HCFC2: variants seen among roughly 807,000 people sequenced by gnomAD.
HCFC2 encodes the protein host cell factor C2, also known as host cell factor 2.
HCFC2 carries 18 observed loss-of-function variants against 89.2 expected under a neutral mutation model. The observed-to-expected ratio is 0.20, with a 90% CI of 0.14 to 0.30. HCFC2 has a LOEUF of 0.30. Ranked by LOEUF, HCFC2 falls within the 10% of genes least tolerant of loss-of-function variation. The pLI is 1.00. For synonymous variants in HCFC2, 308 were observed against 335.7 expected (o/e 0.92, Z 0.90); for missense variants, 578 against 956.1 (o/e 0.60, Z 5.21).
At position 104,076,702 on chromosome 12, in the gene HCFC2, C is replaced by G. The variant is rs184788734; in HGVS notation, c.474-2743C>G. 1.1e-4 allele frequency among the ~76,000 whole-genome samples: 17 copies of G among 150,854 alleles called. 1 individual carries two copies. Among genetic ancestry groups the G allele is most frequent in the African/African-American group, 4.1e-4 (17 of 41,410 alleles). On this transcript the variant is annotated intron_variant, in intron 3 of 14. Transcript: ENST00000229330. The stretch of plus-strand genomic sequence containing the variant: ...TTTGTATTTTGTTTCCTCTGCATTC[C>G]TGCCCCCACCACCAACCCTGACCAG...
intron 5 of HCFC2, among the ~76,000 whole-genome samples, chr12:104,081,134 T>C (rs1478332571): frequency 6.6e-6 from 1 of 152,200 alleles, no homozygotes. Flanking sequence ...TTTTTCATAT[T>C]TTTGGTAGTG....
intron 3 of HCFC2, among the ~76,000 whole-genome samples, chr12:104,069,194 C>T (rs1883243401): frequency 6.6e-6 from 1 of 152,098 alleles, no homozygotes; most frequent in Non-Finnish European, 1.5e-5. Context: ...GTGGTCACAG[C>T]TACTCAGAGG....
intron 12 of HCFC2, among the ~76,000 whole-genome samples, chr12:104,096,854 C>T (rs545058479): frequency 1.4e-4 from 21 of 152,074 alleles, no homozygotes; most frequent in African/African-American, 5.1e-4. Context: ...GTGTAAATTA[C>T]ATTAATGGTT....
In HCFC2 at chr12:104,095,019, G is replaced by A. The variant is rs1168513325; in HGVS notation, c.1463-341G>A. 6.6e-6 allele frequency among the ~76,000 whole-genome samples: 1 copy of A among 152,060 alleles called. No individual in the cohort carries two copies. Among genetic ancestry groups the A allele is most frequent in the Admixed American group, 6.6e-5 (1 of 15,260 alleles). On this transcript the variant is annotated intron_variant, in intron 10 of 14. Coordinates refer to ENST00000229330, the MANE Select transcript of HCFC2 (RefSeq NM_013320.3). The surrounding 1 kb of genome is among the most constrained non-coding windows in gnomAD (Gnocchi z 4.2). ...ACAATTCTAGTTTGCAGCCAGAGAAGGCAGAAAATTGAGATAATTCATGCT... is the reference window on the plus strand; with the variant it reads ...ACAATTCTAGTTTGCAGCCAGAGAAAGCAGAAAATTGAGATAATTCATGCT...
intron 13 of HCFC2, among the ~76,000 whole-genome samples, chr12:104,101,258 TG>T (rs1179969149): frequency 6.6e-6 from 1 of 152,134 alleles, no homozygotes; most frequent in East Asian, 1.9e-4. Flanking sequence ...CCGACGCAGG[TG>T]GATCACATTT....
At chr12:104,077,517 T>G (rs1158152715) in intron 3 of HCFC2, among the ~76,000 whole-genome samples, 1 of 151,618 alleles carries the variant, frequency 6.6e-6, no homozygotes. Context: ...CTGCTGAGAT[T>G]GGGCATGAGC....
At position 104,082,568 on chromosome 12, in the gene HCFC2, A is replaced by T; in HGVS notation, c.836A>T (p.Glu279Val). The part of the protein sequence containing the change: ...ENTETSPHDC[E>V]WRCTSSFSYL... ...ACTGAGACTTCACCTCATGATTGTG[A>T]ATGGAGATGTACCAGTTCATTTTCT... is the stretch of plus-strand genomic sequence containing the variant. Residue 279 changes from glutamate (E) to valine (V), a missense_variant, in exon 6 of 15, where the codon GAA becomes GTA. By Grantham distance (121) the Glu-to-Val change is moderately radical. Coordinates refer to ENST00000229330, the MANE Select transcript of HCFC2 (RefSeq NM_013320.3). The T allele has an allele frequency of 6.2e-7, 1 of 1,613,778 alleles. No individual in the cohort carries two copies. The highest frequency in any genetic ancestry group is 8.5e-7 in the Non-Finnish European group (1 of 1,179,712).
intron 9 of HCFC2, among the ~76,000 whole-genome samples, chr12:104,092,181 G>A (rs927840491): frequency 6.6e-6 from 1 of 152,214 alleles, no homozygotes; most frequent in Admixed American, 6.5e-5. Flanking sequence ...GATTTTAAAT[G>A]TGGCGGCTGG....
At chr12:104,079,385 A>G in intron 3 of HCFC2, 60 bp from the exon 4 acceptor site, 1 of 1,267,494 alleles carries the variant, frequency 7.9e-7, no homozygotes, top group Non-Finnish European at 1.1e-6. Flanking sequence ...AAATAGAAAT[A>G]AAATGCAAAT....
intron 3 of HCFC2, among the ~76,000 whole-genome samples, chr12:104,077,671 T>C: frequency 1.3e-5 from 2 of 151,986 alleles, no homozygotes; most frequent in Non-Finnish European, 2.9e-5. Context: ...TTCCCTCTAG[T>C]GATTTGAGAA....
chr12:104,077,142 T>C (rs1204711416), intron 3 of HCFC2, among the ~76,000 whole-genome samples: 1 of 152,214 alleles, frequency 6.6e-6, no homozygotes, highest in Non-Finnish European at 1.5e-5. Context: ...GACCTTTTTT[T>C]CTCCAACGTG....
rs149317355 is a variant in HCFC2 at position 104,080,535 on chromosome 12, T to C, written c.683-211T>C. 4.7e-3 allele frequency: 1,667 copies of C among 357,154 alleles called. 4 individuals are homozygous for C. Among genetic ancestry groups the C allele is most frequent in the Middle Eastern group, 8.4e-3 (10 of 1,184 alleles). 22.1% of individuals were successfully genotyped at this position (357,154 alleles called of 1,614,324 possible). ...TCCATGGATGCAGCACCCATAGATA[T>C]GGAGGGCTAACTGTACTAACATTAA... On this transcript the variant is annotated intron_variant, in intron 4 of 14. Coordinates refer to ENST00000229330, the MANE Select transcript of HCFC2 (RefSeq NM_013320.3).
intron 1 of HCFC2, among the ~76,000 whole-genome samples, chr12:104,065,447 C>T (rs1883070667): frequency 6.6e-6 from 1 of 151,910 alleles, no homozygotes; most frequent in South Asian, 2.1e-4. Context: ...ATTTTTTTTT[C>T]CCCTTGTAAA....
Position 104,101,550 on chromosome 12 carries a change from G to T in HCFC2, c.1879-418G>T, listed in dbSNP as rs2029939285. The stretch of plus-strand genomic sequence containing the variant: ...CCTTTTCTATGAAGCTTGCTTGCCT[G>T]TCTCTAAAGGGTATTGTTCCTGGGC... On this transcript the variant is annotated intron_variant, in intron 13 of 14. Transcript: ENST00000229330. Among the ~76,000 whole-genome samples, 4 of 152,072 alleles carry T rather than the reference G, an allele frequency of 2.6e-5. No homozygotes were observed. In the South Asian group the frequency reaches 8.3e-4, roughly 32 times the overall value.
Position 104,103,431 on chromosome 12 carries a change from C to A in HCFC2, c.*158C>A. The A allele has an allele frequency of 6.5e-6, 4 of 613,758 alleles. No individual in the cohort carries two copies. Among genetic ancestry groups the A allele is most frequent in the Middle Eastern group, 4.1e-4 (1 of 2,440 alleles). 38.0% of individuals were successfully genotyped at this position (613,758 alleles called of 1,614,324 possible). A position where few individuals can be genotyped will look rare whatever the true frequency, so the allele number is the denominator to read the frequency against. ...AAAATGTATTTGCTGAATTATAGAT[C>A]CAAATAAAAGAAAAGAAGCAAAGAC... On this transcript the variant is annotated 3_prime_UTR_variant, in exon 15 of 15. Transcript: ENST00000229330.
Position 104,064,776 on chromosome 12 carries a change from G to T in HCFC2, c.163+53G>T, listed in dbSNP as rs539941743. 351 of 1,493,746 alleles carry T rather than the reference G, an allele frequency of 2.3e-4. 6 individuals are homozygous for T. The Middle Eastern group carries it at 0.012, about 51-fold the overall frequency. The allele number at this position is 1,493,746 out of a possible 1,614,324, so 92.5% of individuals were successfully genotyped here. A position where few individuals can be genotyped will look rare whatever the true frequency, so the allele number is the denominator to read the frequency against. On this transcript the variant is annotated intron_variant, in intron 1 of 14. Coordinates refer to ENST00000229330, the MANE Select transcript of HCFC2 (RefSeq NM_013320.3). This position sits in a 1 kb window ranked among gnomAD's most constrained non-coding sequence, Gnocchi z 7.3. ...CGCCTGCTGGAGCTGCGGAGGGGGA[G>T]GGGAGGCGAGGCGGCGGCCGCGGCC...
chr12:104,066,391 A>T lies in HCFC2; in HGVS notation c.312+76A>T, dbSNP rs547718023. On this transcript the variant is annotated intron_variant, in intron 2 of 14. Transcript: ENST00000229330. Reference sequence around the variant, plus strand: ...TCATAATTTTTCAAAAGATTGCAACATTACTAACATTGTTTAACACATTTT... The same window carrying T: ...TCATAATTTTTCAAAAGATTGCAACTTTACTAACATTGTTTAACACATTTT... The T allele has an allele frequency of 2.9e-6, 3 of 1,039,414 alleles. No individual in the cohort carries two copies. In the African/African-American group the frequency reaches 4.9e-5, roughly 17 times the overall value. The allele number at this position is 1,039,414 out of a possible 1,614,324, so 64.4% of individuals were successfully genotyped here.
rs970442580 is a variant in HCFC2 at position 104,104,673 on chromosome 12, A to T, written c.*1400A>T. ...TATGTGTGTTCCAGTTACTAATTTA[A>T]AGTGTATAGAATATTTTAATATATA... On this transcript the variant is annotated 3_prime_UTR_variant, in exon 15 of 15. Transcript: ENST00000229330. 5 of 152,088 alleles carry T rather than the reference A, an allele frequency of 3.3e-5. No homozygotes were observed. The South Asian group carries it at 1.0e-3, about 32-fold the overall frequency. 9.4% of individuals were successfully genotyped at this position (152,088 alleles called of 1,614,324 possible). A position where few individuals can be genotyped will look rare whatever the true frequency, so the allele number is the denominator to read the frequency against.
intron 3 of HCFC2, among the ~76,000 whole-genome samples, chr12:104,073,039 T>C (rs1158247317): frequency 6.6e-6 from 1 of 152,168 alleles, no homozygotes; most frequent in Non-Finnish European, 1.5e-5. Context: ...TGTGACCTTG[T>C]TGAATTCATT....
Sources: allele counts gnomAD v4.1 joint callset (sites outside exome capture counted in the v4.1 genomes callset), GRCh38; gene constraint gnomAD v4.1.1; non-coding constraint Gnocchi (gnomAD v3.1); transcripts MANE v1.5; gene names NCBI Gene and HGNC (gene_info 2026-07-23, HGNC 2026-07-21).